JMJD1C: variants seen among roughly 807,000 people sequenced by gnomAD.
The protein encoded by JMJD1C is jumonji domain-containing protein 1C.
In JMJD1C, 31 loss-of-function variants were observed where a neutral mutation model predicts 245.3. The ratio of observed to expected loss-of-function variants is 0.13; its 90% CI spans 0.09 to 0.17. JMJD1C has a LOEUF of 0.17. JMJD1C is among the 10% of genes least tolerant of loss of function. The pLI is 1.00. For missense variants in JMJD1C, 2,691 were observed against 3,000.2 expected (o/e 0.90, Z 2.41); for synonymous variants, 1,057 against 1,017.4 (o/e 1.04, Z -0.74).
intron 2 of JMJD1C, among the ~76,000 whole-genome samples, chr10:63,330,565 C>A (rs918860153): frequency 1.3e-5 from 2 of 152,070 alleles, no homozygotes; most frequent in Non-Finnish European, 2.9e-5. Context: ...AATATATCTA[C>A]ACTTTCTTCC....
chr10:63,438,741 G>C (rs1305782771), intron 1 of JMJD1C, among the ~76,000 whole-genome samples: 1 of 152,036 alleles, frequency 6.6e-6, no homozygotes, highest in Admixed American at 6.6e-5. Context: ...CCTTAGGCCT[G>C]GTACTTACTC....
intron 1 of JMJD1C, among the ~76,000 whole-genome samples, chr10:63,492,277 A>G (rs887541507): frequency 6.6e-5 from 10 of 152,166 alleles, no homozygotes; most frequent in Non-Finnish European, 2.9e-5. Context: ...GTCAAGCGGA[A>G]ACTCCAAATA....
intron 1 of JMJD1C, among the ~76,000 whole-genome samples, chr10:63,388,625 TGTTAACAA>T (rs1027193334): frequency 2.1e-4 from 32 of 151,890 alleles, no homozygotes; most frequent in African/African-American, 7.7e-4. Context: ...CAAACCACAA[TGTTAACAA>T]GAAGAGAGAA....
In JMJD1C at chr10:63,465,733, C is replaced by T; in HGVS notation, c.-71G>A. ...ACCGATGAAACCTCACTCCTACCGG[C>T]CGCTCATGCTGAGGAGAGCGGACCG... On this transcript the variant is annotated 5_prime_UTR_variant, in exon 1 of 26. Transcript: ENST00000399262. 1.9e-6 allele frequency: 3 copies of T among 1,559,020 alleles called. No individual in the cohort carries two copies. The highest frequency in any genetic ancestry group is 1.3e-5 in the African/African-American group (1 of 74,438).
chr10:63,465,438 T>C lies in JMJD1C; in HGVS notation c.168+57A>G. ...GCCAGAGGGAAGCCTGCAAGGTACGTCTGCGAGAGCCGGGTGCGGGCGCGG... is the reference window on the plus strand; with the variant it reads ...GCCAGAGGGAAGCCTGCAAGGTACGCCTGCGAGAGCCGGGTGCGGGCGCGG... On this transcript the variant is annotated intron_variant, in intron 1 of 25. Coordinates refer to ENST00000399262, the MANE Select transcript of JMJD1C (RefSeq NM_032776.3). 2.0e-6 allele frequency: 3 copies of C among 1,492,480 alleles called. No homozygotes were observed. The East Asian group carries it at 7.1e-5, about 35-fold the overall frequency. 92.5% of individuals were successfully genotyped at this position (1,492,480 alleles called of 1,614,324 possible). A position where few individuals can be genotyped will look rare whatever the true frequency, so the allele number is the denominator to read the frequency against.
At chr10:63,177,956 A>T (rs1843010525) in intron 22 of JMJD1C, 100 bp from the exon 23 acceptor site, 2 of 1,269,326 alleles carry the variant, frequency 1.6e-6, no homozygotes, top group East Asian at 4.9e-5. Context: ...CCTGACTAGG[A>T]TCAGTACTTT....
At chr10:63,452,086 TA>T (rs1461574718) in intron 1 of JMJD1C, among the ~76,000 whole-genome samples, 1 of 152,146 alleles carries the variant, frequency 6.6e-6, no homozygotes, top group Non-Finnish European at 1.5e-5. Context: ...AAAAGATGGA[TA>T]CATTGAACTA....
At chr10:63,289,502 T>TAGCAGTGGC (rs1231633613) in intron 2 of JMJD1C, among the ~76,000 whole-genome samples, 1 of 152,228 alleles carries the variant, frequency 6.6e-6, no homozygotes, top group African/African-American at 2.4e-5. Context: ...TTGTTTTTTC[T>TAGCAGTGGC]AGCAGTGGCA....
At position 63,183,512 on chromosome 10, in the gene JMJD1C, G is replaced by C. The variant is rs1177530414; in HGVS notation, c.7019C>G (p.Ser2340Cys). 3 of 1,607,270 alleles carry C rather than the reference G, an allele frequency of 1.9e-6. No homozygotes were observed. The highest frequency in any genetic ancestry group is 2.7e-5 in the African/African-American group (2 of 74,734). Reference protein sequence around the residue: ...IGTTNLHIEVSDVVNILVYVG... With the variant: ...IGTTNLHIEVCDVVNILVYVG... ...ATAAACTAGTATATTTACAACATCAGAAACTTCAATATGGAGATTTGTTGT... is the reference window on the plus strand; with the variant it reads ...ATAAACTAGTATATTTACAACATCACAAACTTCAATATGGAGATTTGTTGT... The change falls in exon 22 of 26, where the codon TCT becomes TGT. Residue 2340 changes from serine (S) to cysteine (C), a missense_variant. Coordinates refer to ENST00000399262, the MANE Select transcript of JMJD1C (RefSeq NM_032776.3).
chr10:63,293,542 T>C (rs558209174), intron 2 of JMJD1C, among the ~76,000 whole-genome samples: 39 of 152,260 alleles, frequency 2.6e-4, no homozygotes, highest in Non-Finnish European at 4.4e-4. Flanking sequence ...AACACACTCA[T>C]TGTCATAAAA....
At chr10:63,219,598 A>C (rs2133271180) in intron 4 of JMJD1C, among the ~76,000 whole-genome samples, 1 of 152,300 alleles carries the variant, frequency 6.6e-6, no homozygotes, top group Non-Finnish European at 1.5e-5. Context: ...GGAAAGACAC[A>C]CCTAAAGAAT....
At chr10:63,275,137 G>A (rs1856664398) in intron 2 of JMJD1C, among the ~76,000 whole-genome samples, 1 of 152,210 alleles carries the variant, frequency 6.6e-6, no homozygotes, top group African/African-American at 2.4e-5. Flanking sequence ...TCGAGTCTAA[G>A]TGACTTTGTT....
chr10:63,379,916 TTCTTAG>T (rs1313789140), intron 2 of JMJD1C, among the ~76,000 whole-genome samples: 4 of 152,098 alleles, frequency 2.6e-5, no homozygotes, highest in African/African-American at 9.7e-5. Flanking sequence ...TTCTATTTAA[TTCTTAG>T]TCTTAAATTT....
intron 1 of JMJD1C, among the ~76,000 whole-genome samples, chr10:63,453,011 A>C (rs1447650647): frequency 6.6e-6 from 1 of 152,222 alleles, no homozygotes; most frequent in Non-Finnish European, 1.5e-5. Flanking sequence ...TGCGTGGCTC[A>C]CACCTGTAAT....
chr10:63,375,667 T>C (rs1394395372), intron 2 of JMJD1C, among the ~76,000 whole-genome samples: 2 of 151,976 alleles, frequency 1.3e-5, no homozygotes, highest in African/African-American at 2.4e-5. Context: ...CCTTCAGACT[T>C]AGCCTCTCAA....
At chr10:63,446,259 G>A (rs962411508) in intron 1 of JMJD1C, among the ~76,000 whole-genome samples, 2 of 152,132 alleles carry the variant, frequency 1.3e-5, no homozygotes, top group Admixed American at 6.6e-5. Context: ...AGGAGTCCAG[G>A]ATGACTGCAA....
At chr10:63,370,718 T>C (rs1359358467) in intron 2 of JMJD1C, among the ~76,000 whole-genome samples, 2 of 152,250 alleles carry the variant, frequency 1.3e-5, no homozygotes, top group Non-Finnish European at 2.9e-5. Flanking sequence ...TAATTCTTTG[T>C]ATATTAAGGA....
chr10:63,521,603 A>T, intron 1 of JMJD1C: 1 of 1,388,046 alleles, frequency 7.2e-7, no homozygotes. Context: ...TGCGCCCTGC[A>T]GCCGGCGCGA....
chr10:63,194,456 T>A, intron 13 of JMJD1C, 81 bp from the exon 14 acceptor site: 2 of 940,820 alleles, frequency 2.1e-6, no homozygotes, highest in Non-Finnish European at 3.4e-6. Context: ...AACGATTATA[T>A]AAAATGTTTC....
Sources: allele counts gnomAD v4.1 joint callset (sites outside exome capture counted in the v4.1 genomes callset), GRCh38; gene constraint gnomAD v4.1.1; transcripts MANE v1.5; gene names NCBI Gene and HGNC (gene_info 2026-07-23, HGNC 2026-07-21).